Variants in LIPA observed in about 807,000 individuals in gnomAD.
The protein encoded by LIPA is lysosomal acid lipase/cholesteryl ester hydrolase.
A neutral mutation model predicts 40.6 loss-of-function variants in LIPA; 26 were observed. The ratio of observed to expected loss-of-function variants is 0.64; its 90% confidence interval spans 0.47 to 0.89. LIPA has a LOEUF of 0.89. Ranked by LOEUF, LIPA falls within the 40% of genes least tolerant of loss-of-function variation. The probability of loss-of-function intolerance (pLI) is 0.00; values close to 1 mark genes in which losing one functional copy is unlikely to be tolerated. For synonymous variants in LIPA, 188 were observed against 168.4 expected (o/e 1.12, Z -0.90); for missense variants, 455 against 479.6 (o/e 0.95, Z 0.48).
chr10:89,244,669 C>A (rs1355169499), intron 3 of LIPA, among the ~76,000 whole-genome samples: 6 of 152,104 alleles, frequency 3.9e-5, no homozygotes, highest in Admixed American at 3.9e-4. Context: ...TTAATAATTT[C>A]AATCAGTCTG....
upstream of LIPA, among the ~76,000 whole-genome samples, chr10:89,256,754 A>G (rs1337246612): frequency 6.6e-6 from 1 of 152,216 alleles, no homozygotes; most frequent in African/African-American, 2.4e-5. Context: ...CCAAAATGCA[A>G]CCCAGGCAAA....
intron 2 of LIPA, among the ~76,000 whole-genome samples, chr10:89,364,224 C>T (rs1392741904): frequency 2.0e-5 from 3 of 152,230 alleles, no homozygotes; most frequent in Admixed American, 1.3e-4. Flanking sequence ...TTTATCACTG[C>T]ACCCCTTTGT....
intron 2 of LIPA, chr10:89,384,654 C>G: frequency 6.2e-7 from 1 of 1,614,186 alleles, no homozygotes; most frequent in African/African-American, 1.3e-5. Context: ...GGCTTATCCA[C>G]AAATTGAAAG....
At chr10:89,275,912 A>G (rs1023896855) in intron 1 of LIPA, among the ~76,000 whole-genome samples, 1 of 152,162 alleles carries the variant, frequency 6.6e-6, no homozygotes, top group Non-Finnish European at 1.5e-5. Flanking sequence ...ACTGCAGTGT[A>G]TGGAGATTAT....
chr10:89,243,925 T>C (rs756952805), intron 3 of LIPA, among the ~76,000 whole-genome samples: 2 of 152,168 alleles, frequency 1.3e-5, no homozygotes, highest in Non-Finnish European at 2.9e-5. Flanking sequence ...AGAAAAATAA[T>C]ATAAAGCATT....
chr10:89,325,705 T>C (rs1236679040), intron 1 of LIPA, among the ~76,000 whole-genome samples: 2 of 152,086 alleles, frequency 1.3e-5, no homozygotes, highest in Middle Eastern at 3.2e-3. Flanking sequence ...GGGGCCTACT[T>C]GAGGGTAAAG....
intron 1 of LIPA, among the ~76,000 whole-genome samples, chr10:89,298,990 T>C (rs1032041553): frequency 2.7e-5 from 4 of 149,668 alleles, no homozygotes; most frequent in Non-Finnish European, 4.5e-5. Context: ...CTCAAAAAAA[T>C]AAAAAATAAA....
intron 2 of LIPA, among the ~76,000 whole-genome samples, chr10:89,377,172 AT>A: frequency 6.6e-6 from 1 of 152,350 alleles, no homozygotes; most frequent in East Asian, 1.9e-4. Context: ...TTGGGATCAT[AT>A]AAATTTTTCA....
intron 2 of LIPA, among the ~76,000 whole-genome samples, chr10:89,381,399 A>G (rs1256547711): frequency 6.6e-6 from 1 of 152,068 alleles, no homozygotes; most frequent in Non-Finnish European, 1.5e-5. Context: ...CACCCAGCAT[A>G]TGTCCCACAC....
chr10:89,255,769 C>A (rs1455022196), upstream of LIPA, among the ~76,000 whole-genome samples: 2 of 152,142 alleles, frequency 1.3e-5, no homozygotes, highest in Non-Finnish European at 2.9e-5. Context: ...GGAGTTTGTT[C>A]TAGATGTGTT....
chr10:89,385,344 T>C (rs1408625668), intron 2 of LIPA: 1 of 152,344 alleles, frequency 6.6e-6, no homozygotes, highest in African/African-American at 2.4e-5. Context: ...CATTTTTTCC[T>C]CTTCAATCCA....
At chr10:89,264,089 G>C (rs1473319560) in intron 1 of LIPA, among the ~76,000 whole-genome samples, 3 of 152,204 alleles carry the variant, frequency 2.0e-5, no homozygotes, top group African/African-American at 7.2e-5. Context: ...CTAGGTTTGG[G>C]CTCCTGGAAG....
intron 1 of LIPA, among the ~76,000 whole-genome samples, chr10:89,305,566 T>C (rs1323300403): frequency 6.6e-6 from 1 of 151,838 alleles, no homozygotes; most frequent in African/African-American, 2.4e-5. Flanking sequence ...AGTACAAAAG[T>C]AAAGCTAGGG....
intron 2 of LIPA, among the ~76,000 whole-genome samples, chr10:89,355,769 A>C: frequency 6.6e-6 from 1 of 152,212 alleles, no homozygotes. Flanking sequence ...ATTATATGCT[A>C]ATTATAATGC....
intron 8 of LIPA, among the ~76,000 whole-genome samples, chr10:89,220,232 C>G (rs1842680387): frequency 6.6e-6 from 1 of 152,178 alleles, no homozygotes; most frequent in Non-Finnish European, 1.5e-5. Context: ...CTGGCGTGTA[C>G]TGTGTGTGGG....
chr10:89,281,651 G>A (rs558705588), intron 1 of LIPA, among the ~76,000 whole-genome samples: 55 of 152,342 alleles, frequency 3.6e-4, no homozygotes, highest in Non-Finnish European at 7.1e-4. Flanking sequence ...TGATATTCCA[G>A]AAACCAAACA....
intron 2 of LIPA, among the ~76,000 whole-genome samples, chr10:89,364,189 G>T (rs1288623774): frequency 6.6e-6 from 1 of 152,172 alleles, no homozygotes; most frequent in Admixed American, 6.5e-5. Context: ...CCACGTGGTT[G>T]TGGCAGCAAT....
At chr10:89,264,272 C>T (rs1038009673) in intron 1 of LIPA, among the ~76,000 whole-genome samples, 4 of 152,168 alleles carry the variant, frequency 2.6e-5, no homozygotes, top group South Asian at 2.1e-4. Context: ...AATATGCAGA[C>T]GACTGGAGGG....
intron 1 of LIPA, among the ~76,000 whole-genome samples, chr10:89,248,844 G>T (rs1298214861): frequency 1.3e-5 from 2 of 152,092 alleles, no homozygotes; most frequent in Non-Finnish European, 2.9e-5. Context: ...ATGACCTTTG[G>T]AGTCCAGCAT....
Sources: gnomAD v4.1 joint callset for allele counts (sites outside exome capture counted in the v4.1 genomes callset) on GRCh38, gnomAD v4.1.1 for gene constraint, MANE v1.5 for transcripts, NCBI Gene and HGNC (gene_info 2026-07-23, HGNC 2026-07-21) for gene names.